The following NECTIN3 variants were observed in gnomAD, a reference collection of about 807,000 sequenced individuals.
NECTIN3 encodes nectin cell adhesion molecule 3, also known as nectin-3.
NECTIN3 carries 8 observed loss-of-function variants against 49.4 expected under a neutral mutation model. The ratio of observed to expected loss-of-function variants is 0.16; its 90% CI spans 0.10 to 0.29. The LOEUF (loss-of-function observed/expected upper bound fraction) is 0.29, where lower values mean the gene tolerates loss of function less well. NECTIN3 is among the 10% of genes least tolerant of loss of function. The pLI, the probability that NECTIN3 is intolerant of heterozygous loss-of-function variation, is 1.00. For missense variants in NECTIN3, 581 were observed against 654.6 expected, an observed-to-expected ratio of 0.89 and a Z score of 1.23; for synonymous variants, 277 against 241.1, an observed-to-expected ratio of 1.15 and a Z score of -1.38.
At chr3:111,141,407 C>T (rs1414864953), downstream of NECTIN3, among the ~76,000 whole-genome samples, 1 of 151,770 alleles carries the variant, frequency 6.6e-6, no homozygotes, top group African/African-American at 2.4e-5. Flanking sequence ...ATTAGGTGTA[C>T]ACATATGTTT....
chr3:111,087,890 A>G (rs1348808942), intron 1 of NECTIN3, among the ~76,000 whole-genome samples: 1 of 151,598 alleles, frequency 6.6e-6, no homozygotes, highest in East Asian at 2.0e-4. Flanking sequence ...TAGAGATGGC[A>G]TTTCACCATG....
chr3:111,161,742 G>A (rs961326646), intron 7 of NECTIN3, among the ~76,000 whole-genome samples: 20 of 152,196 alleles, frequency 1.3e-4, no homozygotes, highest in South Asian at 8.3e-4. Context: ...GCCATCCCTC[G>A]TTCCAAAAAG....
chr3:111,126,721 G>A (rs1248495296), intron 5 of NECTIN3, among the ~76,000 whole-genome samples: 6 of 151,996 alleles, frequency 3.9e-5, no homozygotes, highest in Non-Finnish European at 5.9e-5. Flanking sequence ...CAGTTGTCTG[G>A]TAAATAAAAT....
chr3:111,151,262 G>A (rs966725173), intron 7 of NECTIN3, among the ~76,000 whole-genome samples: 5 of 151,798 alleles, frequency 3.3e-5, no homozygotes, highest in Non-Finnish European at 7.4e-5. Flanking sequence ...CGATAAACAG[G>A]TTTTGAATGA....
chr3:111,130,414 A>G (rs963343412), intron 5 of NECTIN3, among the ~76,000 whole-genome samples: 2 of 152,106 alleles, frequency 1.3e-5, no homozygotes, highest in African/African-American at 2.4e-5. Context: ...CAGAATGACT[A>G]TTTAGTAAAA....
chr3:111,166,007 G>T (rs2035311738), intron 7 of NECTIN3, among the ~76,000 whole-genome samples: 1 of 152,140 alleles, frequency 6.6e-6, no homozygotes, highest in Non-Finnish European at 1.5e-5. Context: ...TGGTTATGCT[G>T]CAAGAAACCA....
chr3:111,115,562 A>C (rs990198580), intron 2 of NECTIN3, among the ~76,000 whole-genome samples: 6 of 152,214 alleles, frequency 3.9e-5, no homozygotes, highest in African/African-American at 1.4e-4. Flanking sequence ...CAAGATTCCC[A>C]AGTGACTTAT....
chr3:111,079,679 C>G (rs910566294), intron 1 of NECTIN3, among the ~76,000 whole-genome samples: 2 of 151,778 alleles, frequency 1.3e-5, no homozygotes, highest in African/African-American at 4.8e-5. Flanking sequence ...GCATTTCTCA[C>G]TTAATCATAA....
In NECTIN3 at chr3:111,082,363, G is replaced by T. The variant is rs1441442258; in HGVS notation, c.160+10186G>T. On this transcript the variant is annotated intron_variant, in intron 1 of 5. Transcript: ENST00000485303. ...TGCATTGAATGAGCTGTTTCAGAGAGAAAAGGGAACACAGGCAGAAGAGAG... is the reference window on the plus strand; with the variant it reads ...TGCATTGAATGAGCTGTTTCAGAGATAAAAGGGAACACAGGCAGAAGAGAG... Among the ~76,000 whole-genome samples the T allele has an allele frequency of 7.2e-5, 11 of 152,134 alleles. No individual in the cohort carries two copies. The East Asian group carries it at 2.1e-3, about 29-fold the overall frequency.
chr3:111,163,537 A>G (rs750549857), intron 7 of NECTIN3, among the ~76,000 whole-genome samples: 13 of 152,338 alleles, frequency 8.5e-5, no homozygotes, highest in Non-Finnish European at 1.2e-4. Flanking sequence ...ATAAAAAACT[A>G]AAATGCTGGG....
In NECTIN3 at chr3:111,137,368, T is replaced by C; in HGVS notation, c.*3153T>C. ...CATAAACAGCTCCTTTCTCAAATTT[T>C]TTGTATATTGTGTTTGTGTTTGGGT... On this transcript the variant is annotated 3_prime_UTR_variant, in exon 6 of 6. Transcript: ENST00000485303. The C allele has an allele frequency of 1.0e-6, 1 of 967,062 alleles. No individual in the cohort carries two copies. Among genetic ancestry groups the C allele is most frequent in the Non-Finnish European group, 1.2e-6 (1 of 813,600 alleles). 59.9% of individuals were successfully genotyped at this position (967,062 alleles called of 1,614,324 possible).
intron 7 of NECTIN3, among the ~76,000 whole-genome samples, chr3:111,183,109 C>T (rs917539483): frequency 7.2e-5 from 11 of 151,812 alleles, no homozygotes; most frequent in African/African-American, 2.4e-4. Context: ...TTCTCATCAT[C>T]TTATGCATTT....
At chr3:111,100,736 T>C (rs2032860905) in intron 1 of NECTIN3, among the ~76,000 whole-genome samples, 1 of 146,960 alleles carries the variant, frequency 6.8e-6, no homozygotes, top group Non-Finnish European at 1.5e-5. Flanking sequence ...ATTTTGAAAT[T>C]ATTTTAAAAA....
chr3:111,111,065 T>C (rs998336783), intron 1 of NECTIN3, among the ~76,000 whole-genome samples: 1 of 152,114 alleles, frequency 6.6e-6, no homozygotes, highest in African/African-American at 2.4e-5. Flanking sequence ...TTTGAGTGCT[T>C]ATTTTGGTTT....
chr3:111,181,863 C>G (rs1191833720), intron 7 of NECTIN3, among the ~76,000 whole-genome samples: 2 of 151,798 alleles, frequency 1.3e-5, no homozygotes, highest in African/African-American at 4.8e-5. Context: ...GTTTGTTTTG[C>G]TTGTTTATTG....
intron 1 of NECTIN3, among the ~76,000 whole-genome samples, chr3:111,075,964 A>G (rs1331961497): frequency 1.3e-5 from 2 of 152,114 alleles, no homozygotes; most frequent in African/African-American, 2.4e-5. Flanking sequence ...TGCCTGCATG[A>G]GTCTTTCTGC....
rs142307829 is a variant in NECTIN3, at chr3:111,120,221, T to G, written c.799+1269T>G. Among the ~76,000 whole-genome samples the G allele has an allele frequency of 4.1e-3, 619 of 152,320 alleles. 5 individuals are homozygous for G. The highest frequency in any genetic ancestry group is 0.014 in the African/African-American group (567 of 41,582). On this transcript the variant is annotated intron_variant, in intron 3 of 5. Transcript: ENST00000485303. ...ATATGTTTACCTTTCCAGTGTCTAA[T>G]AATGACTGATATTTTCAATTTGTTT...
chr3:111,112,255 A>T lies in NECTIN3; in HGVS notation c.386A>T (p.Asn129Ile). ...GRVLFKNYSL[N>I]DATITLHNIG... ...GTCTTGTTTAAAAATTACTCACTTA[A>T]TGATGCAACAATTACTCTGCATAAC... The change falls in exon 2 of 6, where the codon AAT becomes ATT. Residue 129 changes from asparagine (N) to isoleucine (I), a missense_variant. By Grantham distance (149) the Asn-to-Ile change is moderately radical (BLOSUM62 -3). Transcript: ENST00000485303. 1.2e-6 allele frequency: 2 copies of T among 1,613,592 alleles called. No homozygotes were observed. The highest frequency in any genetic ancestry group is 1.7e-6 in the Non-Finnish European group (2 of 1,179,594).
At chr3:111,081,385 T>G (rs915459736) in intron 1 of NECTIN3, among the ~76,000 whole-genome samples, 4 of 152,246 alleles carry the variant, frequency 2.6e-5, no homozygotes, top group Admixed American at 1.3e-4. Flanking sequence ...GTCTTTGCCC[T>G]TAAGAAATGT....
Sources: gnomAD v4.1 joint callset for allele counts (sites outside exome capture counted in the v4.1 genomes callset) on GRCh38, gnomAD v4.1.1 for gene constraint, MANE v1.5 for transcripts, NCBI Gene and HGNC (gene_info 2026-07-23, HGNC 2026-07-21) for gene names.